The following RFC3 variants were observed in gnomAD, a reference collection of about 807,000 sequenced individuals.
The protein encoded by RFC3 is replication factor C subunit 3, also known as A1 38 kDa subunit.
Under a neutral mutation model 45.1 loss-of-function variants are expected in RFC3, and 41 were observed. That is an observed-to-expected ratio of 0.91 (90% confidence interval 0.71 to 1.18). The LOEUF (loss-of-function observed/expected upper bound fraction) is 1.18, where lower values mean the gene tolerates loss of function less well. Among genes scored for constraint, RFC3 ranks in the 50% most tolerant of loss-of-function variants. RFC3 has a pLI of 0.00. For synonymous variants in RFC3, 149 were observed against 144.0 expected (o/e 1.03, Z -0.25); for missense variants, 423 against 428.1 (o/e 0.99, Z 0.10).
At chr13:33,937,040 A>G (rs1490259275) in intron 8 of RFC3, among the ~76,000 whole-genome samples, 1 of 152,152 alleles carries the variant, frequency 6.6e-6, no homozygotes, top group Non-Finnish European at 1.5e-5. Context: ...TGTGATGATA[A>G]CTTCATGGTG....
chr13:33,917,377 T>C (rs1472755346), intron 8 of RFC3, among the ~76,000 whole-genome samples: 1 of 152,146 alleles, frequency 6.6e-6, no homozygotes, highest in Non-Finnish European at 1.5e-5. Flanking sequence ...GATGAGCTAA[T>C]TTTAGGACCT....
chr13:33,949,766 T>G (rs2082977327), intron 8 of RFC3, among the ~76,000 whole-genome samples: 1 of 152,200 alleles, frequency 6.6e-6, no homozygotes. Flanking sequence ...AAGCAGATTG[T>G]CTTCCCTAAT....
intron 8 of RFC3, among the ~76,000 whole-genome samples, chr13:33,866,910 A>G (rs2082377243): frequency 6.6e-6 from 1 of 152,210 alleles, no homozygotes; most frequent in Non-Finnish European, 1.5e-5. Flanking sequence ...GAACATGGTT[A>G]TTCATTCTTG....
chr13:33,835,988 A>T (rs1188455632), intron 8 of RFC3, 116 bp from the exon 9 acceptor site: 1 of 1,078,228 alleles, frequency 9.3e-7, no homozygotes, highest in Non-Finnish European at 1.3e-6. Flanking sequence ...AAAATTAAAG[A>T]TCTCACACAT....
intron 8 of RFC3, among the ~76,000 whole-genome samples, chr13:33,957,853 C>T (rs578039818): frequency 1.3e-5 from 2 of 152,308 alleles, no homozygotes; most frequent in East Asian, 1.9e-4. Flanking sequence ...GGCCAGGTGG[C>T]AGCTGGTCTG....
chr13:33,835,264 A>G (rs1245765631), intron 8 of RFC3, 47 bp downstream of exon 8: 1 of 1,233,048 alleles, frequency 8.1e-7, no homozygotes, highest in Non-Finnish European at 1.2e-6. Context: ...TAAAATTTGG[A>G]CGCTGGGTGT....
chr13:33,820,755 G>A (rs1378635270), intron 1 of RFC3, among the ~76,000 whole-genome samples: 1 of 152,192 alleles, frequency 6.6e-6, no homozygotes, highest in Admixed American at 6.5e-5. Flanking sequence ...TCATTAGTCA[G>A]TCCTTTATTT....
At chr13:33,829,297 C>G (rs540975299) in intron 4 of RFC3, among the ~76,000 whole-genome samples, 7 of 152,304 alleles carry the variant, frequency 4.6e-5, no homozygotes, top group Non-Finnish European at 1.0e-4. Flanking sequence ...TCTTGCACCA[C>G]TGTCTTCCAA....
In RFC3 at chr13:33,830,754, A is replaced by G. The variant is rs779391156; in HGVS notation, c.609A>G (p.Glu203=). 1 of 1,612,944 alleles carries G rather than the reference A, an allele frequency of 6.2e-7. No homozygotes were observed. Among genetic ancestry groups the G allele is most frequent in the Non-Finnish European group, 8.5e-7 (1 of 1,179,290 alleles). Residue 203 remains glutamate (E), a synonymous_variant, in exon 6 of 9, where the codon GAA becomes GAG. Transcript: ENST00000380071. ...CHVLSTVCKK[E]GLNLPSQLAH... is the part of the protein sequence containing the mutation. ...TGTTATCTACTGTGTGTAAGAAGGA[A>G]GGTCTGAATCTTCCTTCACAACTGG...
chr13:33,925,138 A>G (rs1259164353), intron 8 of RFC3, among the ~76,000 whole-genome samples: 4 of 147,922 alleles, frequency 2.7e-5, no homozygotes, highest in Non-Finnish European at 6.0e-5. Flanking sequence ...ACATGCATAT[A>G]TAGTGTACTA....
chr13:33,926,293 G>T (rs1199361021), intron 8 of RFC3, among the ~76,000 whole-genome samples: 4 of 151,464 alleles, frequency 2.6e-5, no homozygotes, highest in African/African-American at 7.3e-5. Flanking sequence ...CACCAGCATG[G>T]CACATGTATA....
At chr13:33,977,306 G>A in the RFC3 span, among the ~76,000 whole-genome samples, 1 of 152,084 alleles carries the variant, frequency 6.6e-6, no homozygotes. Context: ...CGGATGTGGG[G>A]TATATATGAG....
chr13:33,915,946 A>C (rs2082730700), intron 8 of RFC3, among the ~76,000 whole-genome samples: 1 of 151,812 alleles, frequency 6.6e-6, no homozygotes, highest in Non-Finnish European at 1.5e-5. Context: ...CTATAGGCGC[A>C]CTCCACCACA....
At chr13:33,862,603 A>G (rs150989698) in intron 8 of RFC3, among the ~76,000 whole-genome samples, 5 of 152,314 alleles carry the variant, frequency 3.3e-5, no homozygotes, top group African/African-American at 1.2e-4. Context: ...GAGACATGTT[A>G]TAGGTTAAAA....
chr13:33,821,039 A>T, intron 1 of RFC3, 93 bp from the exon 2 acceptor site: 1 of 1,285,548 alleles, frequency 7.8e-7, no homozygotes, highest in Non-Finnish European at 1.1e-6. Flanking sequence ...TCATGGGTAG[A>T]CACATAAAAT....
intron 3 of RFC3, among the ~76,000 whole-genome samples, chr13:33,824,376 C>A (rs1167711243): frequency 6.6e-6 from 1 of 152,100 alleles, no homozygotes; most frequent in Admixed American, 6.6e-5. Context: ...TTCTTTGTCA[C>A]TCTCTTTGTT....
chr13:33,823,194 TTA>T (rs1289715499), intron 2 of RFC3, among the ~76,000 whole-genome samples: 1 of 152,072 alleles, frequency 6.6e-6, no homozygotes, highest in Non-Finnish European at 1.5e-5. Context: ...AAGTGAATTG[TTA>T]AACTGTTTTA....
chr13:33,908,155 C>A (rs1304657584), intron 8 of RFC3, among the ~76,000 whole-genome samples: 1 of 151,834 alleles, frequency 6.6e-6, no homozygotes, highest in Admixed American at 6.6e-5. Flanking sequence ...ATAATTTGCA[C>A]TGCATTTATC....
At chr13:33,973,649 C>T in the RFC3 span, among the ~76,000 whole-genome samples, 1 of 149,874 alleles carries the variant, frequency 6.7e-6, no homozygotes, top group African/African-American at 2.5e-5. Flanking sequence ...CCCTCTTCTT[C>T]TTCTTCTTTT....
Sources: gnomAD v4.1 joint callset for allele counts (sites outside exome capture counted in the v4.1 genomes callset) on GRCh38, gnomAD v4.1.1 for gene constraint, MANE v1.5 for transcripts, NCBI Gene and HGNC (gene_info 2026-07-23, HGNC 2026-07-21) for gene names.